The following KLF7 variants were observed in gnomAD, a reference collection of about 807,000 sequenced individuals.
KLF7 encodes the protein KLF transcription factor 7, also known as Krueppel-like factor 7.
A neutral mutation model predicts 27.3 loss-of-function variants in KLF7; 2 were observed. That is an observed-to-expected ratio of 0.07 (90% CI 0.03 to 0.23). KLF7 has a LOEUF of 0.23. Ranked by LOEUF, KLF7 falls within the 10% of genes least tolerant of loss-of-function variation. The probability of loss-of-function intolerance (pLI) is 1.00; values close to 1 mark genes in which losing one functional copy is unlikely to be tolerated. For missense variants in KLF7, 221 were observed against 394.1 expected (o/e 0.56, Z 3.72); for synonymous variants, 165 against 162.4 (o/e 1.02, Z -0.12).
intron 1 of KLF7, among the ~76,000 whole-genome samples, chr2:207,126,763 A>T (rs2077486766): frequency 6.7e-6 from 1 of 149,748 alleles, no homozygotes; most frequent in Non-Finnish European, 1.5e-5. Flanking sequence ...TGGTCGTACC[A>T]CTGCACTCCA....
intron 1 of KLF7, among the ~76,000 whole-genome samples, chr2:207,129,727 C>T (rs1407969556): frequency 9.5e-6 from 1 of 105,420 alleles, no homozygotes; most frequent in African/African-American, 3.7e-5. Flanking sequence ...ACAAGGAGGA[C>T]CTGACTTTTC....
intron 1 of KLF7, among the ~76,000 whole-genome samples, chr2:207,153,522 G>C (rs1187996011): frequency 2.0e-5 from 3 of 152,090 alleles, no homozygotes; most frequent in African/African-American, 7.2e-5. Context: ...GGTTTATTTT[G>C]TAATATATTT....
At chr2:207,135,893 C>A (rs1044561274) in intron 1 of KLF7, among the ~76,000 whole-genome samples, 2 of 152,156 alleles carry the variant, frequency 1.3e-5, no homozygotes, top group African/African-American at 4.8e-5. Context: ...TTTAGCTTCA[C>A]GGGGTAGCCC....
At chr2:207,101,684 T>C (rs1296702517) in intron 2 of KLF7, among the ~76,000 whole-genome samples, 1 of 152,204 alleles carries the variant, frequency 6.6e-6, no homozygotes, top group Non-Finnish European at 1.5e-5. Flanking sequence ...CATCTGTGCA[T>C]AGTTGTGTCC....
At position 207,123,981 on chromosome 2, in the gene KLF7, C is replaced by T. The variant is rs146378446; in HGVS notation, c.526G>A (p.Val176Ile). The change falls in exon 2 of 4, where the codon GTA becomes ATA. Residue 176 changes from valine to isoleucine, a missense_variant. This residue lies in a region of KLF7 where 180 missense variants were observed against 227.9 expected (regional missense o/e 0.79). Coordinates refer to ENST00000309446, the MANE Select transcript of KLF7 (RefSeq NM_003709.4). ...LVAKKAALSS[V>I]KVGGVATAAA... ...GCTGTTGCGACCCCTCCCACCTTTA[C>T]GGAGCTGAGAGCAGCCTTCTTGGCC... 1.8e-5 allele frequency: 29 copies of T among 1,614,094 alleles called. No homozygotes were observed. The highest frequency in any genetic ancestry group is 2.7e-5 in the African/African-American group (2 of 74,930).
In KLF7 at chr2:207,165,681, CTTTTG is replaced by C. The variant is rs1380657292; in HGVS notation, c.-118_-114del. 4.3e-5 allele frequency: 66 copies of C among 1,535,836 alleles called. No homozygotes were observed. The highest frequency in any genetic ancestry group is 2.6e-4 in the South Asian group (22 of 83,930). On this transcript the variant is annotated 5_prime_UTR_variant, in exon 1 of 4. Coordinates refer to ENST00000309446, the MANE Select transcript of KLF7 (RefSeq NM_003709.4). ...CCAAGAAGGCAGACATCCAGTGGCC[CTTTTG>C]TTTTGTTTTGTTTCAGTCAACTAAA...
chr2:207,095,290 C>T (rs1360092279), intron 2 of KLF7, among the ~76,000 whole-genome samples: 5 of 151,954 alleles, frequency 3.3e-5, no homozygotes, highest in South Asian at 2.1e-4. Flanking sequence ...CCTCGTGATC[C>T]GCCCGCCTCG....
chr2:207,122,684 T>C (rs549541278), intron 2 of KLF7, among the ~76,000 whole-genome samples: 1 of 152,270 alleles, frequency 6.6e-6, no homozygotes, highest in South Asian at 2.1e-4. Context: ...GCACACTTCT[T>C]TGGAGGCACA....
At position 207,132,297 on chromosome 2, in the gene KLF7, T is replaced by C. The variant is rs540745357; in HGVS notation, c.103-7893A>G. On this transcript the variant is annotated intron_variant, in intron 1 of 3. Coordinates refer to ENST00000309446, the MANE Select transcript of KLF7 (RefSeq NM_003709.4). The stretch of plus-strand genomic sequence containing the variant: ...GACTACAACAAATGTTAAGACTGCA[T>C]TGCTTTCCACTGTTTCTCACATCTA... Among the ~76,000 whole-genome samples the C allele has an allele frequency of 1.4e-4, 21 of 152,358 alleles. No individual in the cohort carries two copies. The South Asian group carries it at 4.1e-3, about 30-fold the overall frequency.
chr2:207,097,215 A>G (rs1034231337), intron 2 of KLF7, among the ~76,000 whole-genome samples: 1 of 152,160 alleles, frequency 6.6e-6, no homozygotes, highest in African/African-American at 2.4e-5. Flanking sequence ...GGTATTTAAT[A>G]ACTTCTTTGG....
intron 2 of KLF7, among the ~76,000 whole-genome samples, chr2:207,102,892 C>T (rs187493423): frequency 7.5e-4 from 114 of 152,140 alleles, no homozygotes; most frequent in African/African-American, 4.3e-4. Flanking sequence ...GCTGATGAGA[C>T]GTAAGTGGCA....
chr2:207,074,316 C>G lies in KLF7; in HGVS notation c.*6897G>C, dbSNP rs1020414301. On this transcript the variant is annotated 3_prime_UTR_variant, in exon 4 of 4. Coordinates refer to ENST00000309446, the MANE Select transcript of KLF7 (RefSeq NM_003709.4). The stretch of plus-strand genomic sequence containing the variant: ...GTTTCCTGTGAATGACACCACTTCT[C>G]TCGGGGAATCGCTGAGCTCGGGATG... 1 of 151,978 alleles carries G rather than the reference C, an allele frequency of 6.6e-6. No homozygotes were observed. The highest frequency in any genetic ancestry group is 2.4e-5 in the African/African-American group (1 of 41,216). 9.4% of individuals were successfully genotyped at this position (151,978 alleles called of 1,614,324 possible). A position where few individuals can be genotyped will look rare whatever the true frequency, so the allele number is the denominator to read the frequency against.
intron 1 of KLF7, among the ~76,000 whole-genome samples, chr2:207,138,083 C>T (rs945536665): frequency 2.0e-5 from 3 of 152,202 alleles, no homozygotes; most frequent in African/African-American, 7.2e-5. Context: ...CACTTTCAGG[C>T]ACACCAGACT....
In KLF7 at chr2:207,156,846, A is replaced by G. The variant is rs984574224; in HGVS notation, c.102+8621T>C. 2.0e-5 allele frequency among the ~76,000 whole-genome samples: 3 copies of G among 152,348 alleles called. No homozygotes were observed. The South Asian group carries it at 6.2e-4, about 32-fold the overall frequency. On this transcript the variant is annotated intron_variant, in intron 1 of 3. Transcript: ENST00000309446. ...GATTCCAAATTACACAAGTCATTAA[A>G]TATTTCAATATAAGAAGCAGGTAAC... is the stretch of plus-strand genomic sequence containing the variant.
chr2:207,154,380 G>A (rs753922611), intron 1 of KLF7, among the ~76,000 whole-genome samples: 47 of 152,166 alleles, frequency 3.1e-4, no homozygotes, highest in Non-Finnish European at 6.3e-4. Context: ...AAGGGGAAGA[G>A]ATTGGACATT....
chr2:207,167,142 T>C (rs1430620944), upstream of KLF7: 1 of 1,441,170 alleles, frequency 6.9e-7, no homozygotes. Flanking sequence ...AGGCTCACCA[T>C]GGGGTCTCCA....
intron 1 of KLF7, among the ~76,000 whole-genome samples, chr2:207,144,801 C>T (rs1158333956): frequency 6.6e-6 from 1 of 152,200 alleles, no homozygotes; most frequent in Non-Finnish European, 1.5e-5. Flanking sequence ...AATGTCTTAT[C>T]TTTATGAAGT....
intron 2 of KLF7, 34 bp downstream of exon 2, chr2:207,123,737 AAAG>A: frequency 1.3e-6 from 2 of 1,580,598 alleles, no homozygotes; most frequent in Non-Finnish European, 1.7e-6. Flanking sequence ...ACAGGAGGGG[AAAG>A]AAGAAACCAC....
rs775206870 is a variant in KLF7 at position 207,074,618 on chromosome 2, A to G, written c.*6595T>C. On this transcript the variant is annotated 3_prime_UTR_variant, in exon 4 of 4. Transcript: ENST00000309446. The stretch of plus-strand genomic sequence containing the variant: ...GTCATTTTACTGCCCCCTACCCCTC[A>G]CCTAAATTATTCCCTCTGATCTTTA... 5 of 151,256 alleles carry G rather than the reference A, an allele frequency of 3.3e-5. No individual in the cohort carries two copies. The highest frequency in any genetic ancestry group is 7.4e-5 in the Non-Finnish European group (5 of 67,858). 9.4% of individuals were successfully genotyped at this position (151,256 alleles called of 1,614,324 possible).
Sources: allele counts gnomAD v4.1 joint callset (sites outside exome capture counted in the v4.1 genomes callset), GRCh38; gene constraint gnomAD v4.1.1; regional missense constraint gnomAD v4.1.1; transcripts MANE v1.5; gene names NCBI Gene and HGNC (gene_info 2026-07-23, HGNC 2026-07-21).